SNRNP200: variants seen among roughly 807,000 people sequenced by gnomAD.
SNRNP200 encodes small nuclear ribonucleoprotein U5 subunit 200, also known as U5 small nuclear ribonucleoprotein 200 kDa helicase.
In SNRNP200, 66 loss-of-function variants were observed where a neutral mutation model predicts 255.2. The ratio of observed to expected loss-of-function variants is 0.26; its 90% CI spans 0.21 to 0.32. SNRNP200 has a LOEUF of 0.32. Among genes scored for constraint, SNRNP200 ranks in the 10% least tolerant of loss-of-function variants. The pLI is 1.00. For missense variants in SNRNP200, 1,585 were observed against 2,749.8 expected, an observed-to-expected ratio of 0.58 and a Z score of 9.47; for synonymous variants, 939 against 1,027.8, an observed-to-expected ratio of 0.91 and a Z score of 1.65.
At chr2:96,292,334 TC>T (rs2063889247) in intron 16 of SNRNP200, among the ~76,000 whole-genome samples, 1 of 152,236 alleles carries the variant, frequency 6.6e-6, no homozygotes, top group South Asian at 2.1e-4. Context: ...AATGAAGTCT[TC>T]CTAGTATTTA....
In SNRNP200 at chr2:96,290,903, G is replaced by A. The variant is rs867071648; in HGVS notation, c.2422-88C>T. 9.6e-6 allele frequency: 15 copies of A among 1,558,648 alleles called. No individual in the cohort carries two copies. The Middle Eastern group carries it at 5.1e-4, about 53-fold the overall frequency. On this transcript the variant is annotated intron_variant, in intron 18 of 44. Coordinates refer to ENST00000323853, the MANE Select transcript of SNRNP200 (RefSeq NM_014014.5). This position sits in a 1 kb window ranked among gnomAD's most constrained non-coding sequence, Gnocchi z 4.5. ...GCTTCTCTAGGCAGTTGGCCTCAGA[G>A]CTTCTCTCAGGACTAGCCGGTAGGG...
chr2:96,291,712 C>T lies in SNRNP200; in HGVS notation c.2310+39G>A, dbSNP rs2063885171. 4 of 1,612,048 alleles carry T rather than the reference C, an allele frequency of 2.5e-6. No homozygotes were observed. Among genetic ancestry groups the T allele is most frequent in the Middle Eastern group, 1.6e-4 (1 of 6,080 alleles). ...CTGGGGCCTGAGATGGACACAGCTGCCAGGTAGGAATGAGAGAACCCAGCT... is the reference window on the plus strand; with the variant it reads ...CTGGGGCCTGAGATGGACACAGCTGTCAGGTAGGAATGAGAGAACCCAGCT... On this transcript the variant is annotated intron_variant, in intron 17 of 44. Transcript: ENST00000323853. This position sits in a 1 kb window ranked among gnomAD's most constrained non-coding sequence, Gnocchi z 4.2.
Position 96,278,472 on chromosome 2 carries a change from C to G in SNRNP200, c.5488+75G>C, listed in dbSNP as rs1684706007. ...CATCCCGCTGACAAACACGGGCGCA[C>G]CTCTCATCCCAGTGGGCTCCTGACC... On this transcript the variant is annotated intron_variant, in intron 38 of 44. Transcript: ENST00000323853. This position sits in a 1 kb window ranked among gnomAD's most constrained non-coding sequence, Gnocchi z 6.9. 6.2e-7 allele frequency: 1 copy of G among 1,610,904 alleles called. No individual in the cohort carries two copies. The highest frequency in any genetic ancestry group is 2.2e-5 in the East Asian group (1 of 44,880).
intron 43 of SNRNP200, among the ~76,000 whole-genome samples, chr2:96,276,114 C>T (rs893133341): frequency 6.6e-6 from 1 of 152,220 alleles, no homozygotes; most frequent in Non-Finnish European, 1.5e-5. Flanking sequence ...ACGAAGAGTC[C>T]CAGTTAAAAG....
intron 13 of SNRNP200, 142 bp downstream of exon 13, chr2:96,296,394 G>T: frequency 1.2e-6 from 1 of 837,970 alleles, no homozygotes; most frequent in Non-Finnish European, 1.9e-6. Flanking sequence ...TTGGAAATGG[G>T]GAGAGAAAAA....
chr2:96,279,095 G>T, intron 36 of SNRNP200, 97 bp from the exon 37 acceptor site: 2 of 980,560 alleles, frequency 2.0e-6, no homozygotes, highest in East Asian at 2.4e-5. Context: ...CCCTGTGTGA[G>T]ACCTAACTAA....
At chr2:96,302,961 T>C (rs561911099) in intron 3 of SNRNP200, among the ~76,000 whole-genome samples, 198 bp downstream of exon 3, 1 of 152,262 alleles carries the variant, frequency 6.6e-6, no homozygotes, top group South Asian at 2.1e-4. Context: ...TTGGGGTTTT[T>C]ATGGAGGCTT....
intron 12 of SNRNP200, 26 bp downstream of exon 12, chr2:96,296,907 A>G (rs181068939): frequency 6.8e-6 from 11 of 1,614,158 alleles, no homozygotes. Context: ...ATTCTACAAG[A>G]AAACAGCAGG....
At chr2:96,297,129 T>C (rs2063922012) in intron 11 of SNRNP200, 59 bp from the exon 12 acceptor site, 2 of 1,612,130 alleles carry the variant, frequency 1.2e-6, no homozygotes, top group Middle Eastern at 1.7e-4. Flanking sequence ...CAAAACGTTA[T>C]TGTGGGATTG....
chr2:96,297,673 T>C lies in SNRNP200; in HGVS notation c.1167A>G (p.Thr389=), dbSNP rs2063925271. The change falls in exon 10 of 45, where the codon ACA becomes ACG. Residue 389 remains threonine, a synonymous_variant. Coordinates refer to ENST00000323853, the MANE Select transcript of SNRNP200 (RefSeq NM_014014.5). ...GGTCGAGATCCATGGTTTCCAGATC[T>C]GTGTCCATTCGAGACTGACGCACTC... ...RERVRQSRMD[T]DLETMDLDQG... is the part of the protein sequence containing the mutation. 6.2e-7 allele frequency: 1 copy of C among 1,614,268 alleles called. No homozygotes were observed. Among genetic ancestry groups the C allele is most frequent in the Non-Finnish European group, 8.5e-7 (1 of 1,180,046 alleles).
At chr2:96,292,908 A>G in intron 16 of SNRNP200, 64 bp downstream of exon 16, 1 of 1,582,218 alleles carries the variant, frequency 6.3e-7, no homozygotes, top group Non-Finnish European at 8.7e-7. Flanking sequence ...ATCTTCCCCA[A>G]TTATTGGTGA....
At position 96,286,390 on chromosome 2, in the gene SNRNP200, G is replaced by A. The variant is rs765746512; in HGVS notation, c.3924C>T (p.Pro1308=). The change falls in exon 29 of 45, where the codon CCC becomes CCT. Residue 1308 remains proline, a synonymous_variant. Transcript: ENST00000323853. This position sits in a 1 kb window ranked among gnomAD's most constrained non-coding sequence, Gnocchi z 4.8. ...AGGCACTGTTTCTCAGAGCAGACAC[G>A]GGCAAGGGCTGCAGGTCCAAAAGTT... ...PTELLDLQPL[P]VSALRNSAFE... 173 of 1,614,050 alleles carry A rather than the reference G, an allele frequency of 1.1e-4. No homozygotes were observed. The Admixed American group carries it at 2.1e-3, about 19-fold the overall frequency.
At position 96,278,090 on chromosome 2, in the gene SNRNP200, G is replaced by C; in HGVS notation, c.5611-140C>G. The C allele has an allele frequency of 6.5e-7, 1 of 1,528,298 alleles. No homozygotes were observed. The highest frequency in any genetic ancestry group is 9.0e-7 in the Non-Finnish European group (1 of 1,105,190). 94.7% of individuals were successfully genotyped at this position (1,528,298 alleles called of 1,614,324 possible). A position where few individuals can be genotyped will look rare whatever the true frequency, so the allele number is the denominator to read the frequency against. On this transcript the variant is annotated intron_variant, in intron 39 of 44. Transcript: ENST00000323853. The surrounding 1 kb of genome is among the most constrained non-coding windows in gnomAD (Gnocchi z 6.9). ...GTGGGTGGTAATGGGATGGAGATGG[G>C]TTTGAGGGAGGTATGGAGCGGGAGG... is the stretch of plus-strand genomic sequence containing the variant.
chr2:96,297,535 G>A lies in SNRNP200; in HGVS notation c.1205C>T (p.Ala402Val). The change falls in exon 11 of 45, where the codon GCA becomes GTA. Residue 402 changes from alanine (A) to valine (V), a missense_variant and splice_region_variant. By Grantham distance (64) the Ala-to-Val change is moderately conservative. Transcript: ENST00000323853. ...GTCCAGAACCTGCCGTGGAGCCAGT[G>A]CCTGGGAATGTGAAAGACAAAAACA... ...ETMDLDQGGE[A>V]LAPRQVLDLE... 2.5e-6 allele frequency: 4 copies of A among 1,614,156 alleles called. No homozygotes were observed. Among genetic ancestry groups the A allele is most frequent in the Middle Eastern group, 1.6e-4 (1 of 6,062 alleles).
intron 43 of SNRNP200, chr2:96,276,528 T>A (rs1380720757): frequency 9.2e-6 from 3 of 325,270 alleles, no homozygotes; most frequent in Admixed American, 8.0e-5. Flanking sequence ...TTCACACCAT[T>A]CTCCTGACTC....
intron 5 of SNRNP200, 116 bp from the exon 6 acceptor site, chr2:96,299,543 A>C: frequency 1.2e-6 from 1 of 859,788 alleles, no homozygotes; most frequent in Non-Finnish European, 1.9e-6. Flanking sequence ...CTTTGGGGTG[A>C]AACCGAGAGC....
At chr2:96,275,214 C>A in intron 44 of SNRNP200, 43 bp downstream of exon 44, 1 of 1,613,946 alleles carries the variant, frequency 6.2e-7, no homozygotes, top group East Asian at 2.2e-5. Flanking sequence ...TCTCACCCTT[C>A]CCCCATGCCA....
chr2:96,278,715 T>C lies in SNRNP200; in HGVS notation c.5324-4A>G. On this transcript the variant is annotated splice_polypyrimidine_tract_variant and splice_region_variant and intron_variant, in intron 37 of 44. Transcript: ENST00000323853. The surrounding 1 kb of genome is among the most constrained non-coding windows in gnomAD (Gnocchi z 6.9). The stretch of plus-strand genomic sequence containing the variant: ...GACAAGTGACGATGGGAGATGCCTA[T>C]GGAGGCGAGAGGTGAGTGGGGAGCC... 1 of 1,614,214 alleles carries C rather than the reference T, an allele frequency of 6.2e-7. No individual in the cohort carries two copies. The highest frequency in any genetic ancestry group is 8.5e-7 in the Non-Finnish European group (1 of 1,180,032).
chr2:96,302,274 C>T (rs1012566470), intron 3 of SNRNP200, among the ~76,000 whole-genome samples: 2 of 152,094 alleles, frequency 1.3e-5, no homozygotes, highest in African/African-American at 2.4e-5. Context: ...GGGGAAGACA[C>T]GTGCTGTTCC....
Sources: allele counts gnomAD v4.1 joint callset (sites outside exome capture counted in the v4.1 genomes callset), GRCh38; gene constraint gnomAD v4.1.1; non-coding constraint Gnocchi (gnomAD v3.1); transcripts MANE v1.5; gene names NCBI Gene and HGNC (gene_info 2026-07-23, HGNC 2026-07-21).